OTOGL: variants seen among roughly 807,000 people sequenced by gnomAD.
OTOGL encodes otogelin like, also known as otogelin-like protein.
In OTOGL, 285 loss-of-function variants were observed where a neutral mutation model predicts 318.5. That is an observed-to-expected ratio of 0.89 (90% CI 0.81 to 0.99). OTOGL has a LOEUF of 0.99. Ranked by LOEUF, OTOGL falls within the 50% of genes least tolerant of loss-of-function variation. OTOGL has a pLI of 0.00. For synonymous variants in OTOGL, 987 were observed against 936.5 expected (o/e 1.05, Z -0.99); for missense variants, 2,899 against 2,845.6 (o/e 1.02, Z -0.43).
intron 1 of OTOGL, among the ~76,000 whole-genome samples, chr12:80,144,826 A>G (rs1872225889): frequency 6.6e-6 from 1 of 151,976 alleles, no homozygotes; most frequent in Non-Finnish European, 1.5e-5. Flanking sequence ...GCATTTTTTC[A>G]TATGTTTTTT....
chr12:80,211,919 A>G, intron 3 of OTOGL, 30 bp from the exon 4 acceptor site: 1 of 1,537,106 alleles, frequency 6.5e-7, no homozygotes, highest in South Asian at 1.2e-5. Flanking sequence ...GGGGCCTTTG[A>G]CTGTACAAGT....
chr12:80,227,694 T>C (rs2137382195), intron 7 of OTOGL, among the ~76,000 whole-genome samples: 1 of 152,314 alleles, frequency 6.6e-6, no homozygotes, highest in South Asian at 2.1e-4. Context: ...CTTGGATTCA[T>C]GGATCCTGAG....
chr12:80,272,737 A>AAT (rs1339355643), intron 24 of OTOGL, among the ~76,000 whole-genome samples: 2 of 152,054 alleles, frequency 1.3e-5, no homozygotes, highest in Admixed American at 6.6e-5. Context: ...CATTTGTCTA[A>AAT]ATGGCCCCCA....
intron 27 of OTOGL, among the ~76,000 whole-genome samples, chr12:80,298,411 G>T (rs1204962824): frequency 6.6e-6 from 1 of 152,168 alleles, no homozygotes; most frequent in Non-Finnish European, 1.5e-5. Context: ...TCTCCAAGCT[G>T]CAGCTTTTAC....
intron 1 of OTOGL, among the ~76,000 whole-genome samples, chr12:80,148,958 A>AT (rs931123495): frequency 7.9e-5 from 12 of 151,864 alleles, no homozygotes; most frequent in Non-Finnish European, 1.5e-4. Context: ...CATTATTCTA[A>AT]TTTTTTTTCA....
chr12:80,134,406 T>G (rs1401183567), intron 1 of OTOGL, among the ~76,000 whole-genome samples: 2 of 152,230 alleles, frequency 1.3e-5, no homozygotes, highest in African/African-American at 4.8e-5. Flanking sequence ...ACAAATTTCA[T>G]GACACTTGTC....
chr12:80,306,814 TA>T (rs35879016), intron 29 of OTOGL, among the ~76,000 whole-genome samples: 21,536 of 148,910 alleles, frequency 0.14, 1,701 homozygotes, highest in Middle Eastern at 0.18. Flanking sequence ...TTATTATTAT[TA>T]TTATTTTTTA....
chr12:80,254,923 A>G (rs1881894664), intron 15 of OTOGL, 117 bp from the exon 16 acceptor site: 10 of 891,064 alleles, frequency 1.1e-5, no homozygotes, highest in Non-Finnish European at 1.5e-5. Context: ...ATGCATGATT[A>G]TTTACCCTAA....
intron 1 of OTOGL, among the ~76,000 whole-genome samples, chr12:80,152,674 A>G (rs995600874): frequency 2.0e-5 from 3 of 152,096 alleles, no homozygotes; most frequent in African/African-American, 7.2e-5. Flanking sequence ...TTTGTCATCA[A>G]TTTTTAAATT....
At chr12:80,273,320 AT>A (rs1284278809) in intron 24 of OTOGL, among the ~76,000 whole-genome samples, 1 of 152,086 alleles carries the variant, frequency 6.6e-6, no homozygotes, top group African/African-American at 2.4e-5. Context: ...TTTTGGCAAA[AT>A]AGTCCAGTGT....
intron 24 of OTOGL, among the ~76,000 whole-genome samples, chr12:80,272,170 A>G (rs771969132): frequency 2.6e-5 from 4 of 152,132 alleles, no homozygotes; most frequent in Non-Finnish European, 4.4e-5. Context: ...AAGTTGTAAT[A>G]GTGATGCCAA....
intron 1 of OTOGL, among the ~76,000 whole-genome samples, chr12:80,187,787 G>A (rs181560500): frequency 6.6e-6 from 1 of 152,324 alleles, no homozygotes. Context: ...AGGACAGAAA[G>A]GTTTGTGGGC....
At chr12:80,366,675 A>G (rs2138074153) in intron 53 of OTOGL, 38 bp downstream of exon 53, 5 of 897,790 alleles carry the variant, frequency 5.6e-6, no homozygotes, top group Non-Finnish European at 7.4e-6. Context: ...TTATAAATGA[A>G]TATCATTAGT....
At chr12:80,215,482 CTTA>C (rs1329793462) in intron 4 of OTOGL, among the ~76,000 whole-genome samples, 3 of 152,066 alleles carry the variant, frequency 2.0e-5, no homozygotes, top group Non-Finnish European at 2.9e-5. Flanking sequence ...GTTTACAACT[CTTA>C]TTATGTGCCT....
chr12:80,267,526 T>C (rs1883085054), intron 22 of OTOGL, among the ~76,000 whole-genome samples, 199 bp downstream of exon 22: 2 of 150,888 alleles, frequency 1.3e-5, no homozygotes, highest in South Asian at 2.1e-4. Flanking sequence ...TTACATTACA[T>C]TGAGTATATC....
intron 37 of OTOGL, among the ~76,000 whole-genome samples, chr12:80,330,800 T>A (rs1399761382): frequency 6.6e-6 from 1 of 152,192 alleles, no homozygotes; most frequent in African/African-American, 2.4e-5. Context: ...GCAAGAGCAA[T>A]ACACAAAAAT....
At chr12:80,348,418 A>G (rs1391073865) in intron 44 of OTOGL, among the ~76,000 whole-genome samples, 2 of 152,092 alleles carry the variant, frequency 1.3e-5, no homozygotes, top group African/African-American at 4.8e-5. Context: ...TTTGTGAAAG[A>G]TCAGATAGTT....
intron 1 of OTOGL, among the ~76,000 whole-genome samples, chr12:80,203,892 T>G (rs1043896875): frequency 3.3e-5 from 5 of 152,238 alleles, no homozygotes; most frequent in Non-Finnish European, 5.9e-5. Context: ...GAATCTGTGC[T>G]TCTAATAGGT....
intron 1 of OTOGL, among the ~76,000 whole-genome samples, chr12:80,155,617 A>G (rs545007595): frequency 3.5e-4 from 53 of 152,356 alleles, no homozygotes; most frequent in Non-Finnish European, 6.8e-4. Flanking sequence ...TTGTGTTACA[A>G]ACAATCTAAT....
Sources: gnomAD v4.1 joint callset for allele counts (sites outside exome capture counted in the v4.1 genomes callset) on GRCh38, gnomAD v4.1.1 for gene constraint, MANE v1.5 for transcripts, NCBI Gene and HGNC (gene_info 2026-07-23, HGNC 2026-07-21) for gene names.